WSCD1: variants seen among roughly 807,000 people sequenced by gnomAD.
WSCD1 encodes sialate:O-sulfotransferase 1.
In WSCD1, 41 loss-of-function variants were observed where a neutral mutation model predicts 60.4. That is an observed-to-expected ratio of 0.68 (90% CI 0.53 to 0.88). The LOEUF is 0.88. WSCD1 is among the 40% of genes least tolerant of loss of function. The pLI, the probability that WSCD1 is intolerant of heterozygous loss-of-function variation, is 0.00. For missense variants in WSCD1, 784 were observed against 796.2 expected (o/e 0.98, Z 0.18); for synonymous variants, 361 against 332.5 (o/e 1.09, Z -0.93).
chr17:6,097,183 C>T (rs182277452), intron 5 of WSCD1, among the ~76,000 whole-genome samples: 29 of 152,284 alleles, frequency 1.9e-4, no homozygotes, highest in African/African-American at 6.0e-4. Context: ...TGCTGCCATT[C>T]GGCGTTATGG....
intron 2 of WSCD1, 72 bp downstream of exon 2, chr17:6,081,157 C>T (rs1909246774): frequency 3.4e-6 from 5 of 1,455,704 alleles, no homozygotes; most frequent in Non-Finnish European, 4.5e-6. Flanking sequence ...TTGGTGTCCC[C>T]TTTCTCTCTG....
At chr17:6,081,370 T>C (rs1176419585) in intron 2 of WSCD1, among the ~76,000 whole-genome samples, 5 of 147,558 alleles carry the variant, frequency 3.4e-5, no homozygotes, top group African/African-American at 1.3e-4. Flanking sequence ...TGGCCAACAA[T>C]TTTTTTTTTT....
At chr17:6,089,129 CA>C (rs1173970365) in intron 3 of WSCD1, among the ~76,000 whole-genome samples, 2 of 152,190 alleles carry the variant, frequency 1.3e-5, no homozygotes, top group African/African-American at 4.8e-5. Flanking sequence ...AGCCAGGTAG[CA>C]ATTAGTTATC....
At position 6,087,149 on chromosome 17, in the gene WSCD1, G is replaced by A. The variant is rs571038554; in HGVS notation, c.428-841G>A. Among the ~76,000 whole-genome samples, 7 of 152,322 alleles carry A rather than the reference G, an allele frequency of 4.6e-5. No individual in the cohort carries two copies. In the South Asian group the frequency reaches 6.2e-4, roughly 14 times the overall value. ...TGCCGCTCCTTCAAAACACTGGTGC[G>A]CGTGACATTTACATGCCTACCCGCG... On this transcript the variant is annotated intron_variant, in intron 2 of 8. Transcript: ENST00000317744.
rs749910733 is a variant in WSCD1 at position 6,120,533 on chromosome 17, C to G, written c.1600C>G (p.Arg534Gly). Residue 534 changes from arginine (R) to glycine (G), a missense_variant, in exon 9 of 9, where the codon CGC becomes GGC. By Grantham distance (125) the Arg-to-Gly change is moderately radical (BLOSUM62 -2). Coordinates refer to ENST00000317744, the MANE Select transcript of WSCD1 (RefSeq NM_015253.2). ...GGGCAGCTTCCGGCGGCGCGGCCGG[C>G]GCTCCCACGACCCTGAGCCCTTCAC... ...KEGSFRRRGR[R>G]SHDPEPFTPE... 6.2e-7 allele frequency: 1 copy of G among 1,613,748 alleles called. No homozygotes were observed. Among genetic ancestry groups the G allele is most frequent in the Non-Finnish European group, 8.5e-7 (1 of 1,179,996 alleles).
chr17:6,069,625 G>C (rs1908401683), upstream of WSCD1, among the ~76,000 whole-genome samples: 1 of 152,010 alleles, frequency 6.6e-6, no homozygotes, highest in Non-Finnish European at 1.5e-5. Flanking sequence ...GCGGGAGCTG[G>C]TGTCAGGGTA....
intron 7 of WSCD1, among the ~76,000 whole-genome samples, chr17:6,115,876 G>A (rs1911662952): frequency 1.3e-5 from 2 of 152,258 alleles, no homozygotes; most frequent in South Asian, 2.1e-4. Context: ...GATTATAGGA[G>A]TGAACCACCA....
At chr17:6,087,573 G>A (rs982532339) in intron 2 of WSCD1, among the ~76,000 whole-genome samples, 9 of 152,224 alleles carry the variant, frequency 5.9e-5, no homozygotes, top group African/African-American at 1.9e-4. Context: ...CCCCCAAGGA[G>A]GCAACGACCC....
At chr17:6,096,078 C>T (rs1228162045) in intron 5 of WSCD1, among the ~76,000 whole-genome samples, 4 of 152,182 alleles carry the variant, frequency 2.6e-5, no homozygotes, top group Non-Finnish European at 1.5e-5. Flanking sequence ...AGCTGCCATT[C>T]GTTGATCGCT....
chr17:6,105,551 T>C (rs1911040097), intron 5 of WSCD1, among the ~76,000 whole-genome samples: 1 of 152,142 alleles, frequency 6.6e-6, no homozygotes, highest in Admixed American at 6.5e-5. Context: ...GTACTGTGTT[T>C]TCAGAATCCA....
Position 6,119,045 on chromosome 17 carries a change from A to G in WSCD1, c.1375+857A>G, listed in dbSNP as rs1208064144. On this transcript the variant is annotated intron_variant, in intron 8 of 8. Transcript: ENST00000317744. The stretch of plus-strand genomic sequence containing the variant: ...CTCACTGTGTCCTCACATGTCCCCA[A>G]CAGCTCTCTGGTGACTCTTCTGATA... Among the ~76,000 whole-genome samples the G allele has an allele frequency of 3.3e-5, 5 of 152,278 alleles. 1 individual carries two copies. In the Middle Eastern group the frequency reaches 0.01, roughly 311 times the overall value.
intron 5 of WSCD1, among the ~76,000 whole-genome samples, chr17:6,095,975 G>A (rs537802137): frequency 6.6e-6 from 1 of 152,314 alleles, no homozygotes; most frequent in South Asian, 2.1e-4. Context: ...TACCCTCAAT[G>A]TGGCTTTGAT....
In WSCD1 at chr17:6,094,926, T is replaced by C. The variant is rs537976263; in HGVS notation, c.728-176T>C. On this transcript the variant is annotated intron_variant, in intron 4 of 8. Transcript: ENST00000317744. ...GGTCAAGGTGCTGATGCCTGGTTTC[T>C]CTCAGAAGCTCAGCATGACTATGTC... 7.2e-5 allele frequency among the ~76,000 whole-genome samples: 11 copies of C among 152,334 alleles called. No homozygotes were observed. The South Asian group carries it at 2.3e-3, about 32-fold the overall frequency.
intron 2 of WSCD1, among the ~76,000 whole-genome samples, chr17:6,082,592 C>T (rs1909352088): frequency 6.6e-6 from 1 of 152,132 alleles, no homozygotes; most frequent in African/African-American, 2.4e-5. Context: ...TTGGGGAGCT[C>T]CCAGTAAGCG....
intron 1 of WSCD1, among the ~76,000 whole-genome samples, chr17:6,078,587 T>C (rs1419236017): frequency 3.3e-5 from 5 of 152,044 alleles, no homozygotes; most frequent in Non-Finnish European, 5.9e-5. Flanking sequence ...TGTGCGTGTG[T>C]GTGCGTGCAT....
intron 6 of WSCD1, among the ~76,000 whole-genome samples, 179 bp downstream of exon 6, chr17:6,109,945 C>T (rs528413437): frequency 6.6e-6 from 1 of 152,248 alleles, no homozygotes; most frequent in South Asian, 2.1e-4. Flanking sequence ...GTTTTCCACC[C>T]TCCACAGAGG....
Position 6,088,050 on chromosome 17 carries a change from T to C in WSCD1, c.488T>C (p.Phe163Ser). The change falls in exon 3 of 9, where the codon TTT (phenylalanine) becomes TCT (serine). Residue 163 changes from phenylalanine to serine, a missense_variant. By Grantham distance (155) the Phe-to-Ser change is radical. Transcript: ENST00000317744. ...GAGAGGACTCTGAAAGGAGCTGTGT[T>C]TTATGACTTGAGAAAGATGACTGTC... ...GHERTLKGAV[F>S]YDLRKMTVSH... 6.2e-7 allele frequency: 1 copy of C among 1,614,152 alleles called. No homozygotes were observed. The highest frequency in any genetic ancestry group is 8.5e-7 in the Non-Finnish European group (1 of 1,180,024).
At chr17:6,112,420 A>C (rs58071505) in intron 7 of WSCD1, among the ~76,000 whole-genome samples, 9,737 of 152,270 alleles carry the variant, frequency 0.064, 389 homozygotes, top group Middle Eastern at 0.11. Flanking sequence ...CACTTTCACC[A>C]TGTCTGTTCA....
Position 6,120,521 on chromosome 17 carries a change from C to A in WSCD1, c.1588C>A (p.Arg530=), listed in dbSNP as rs759494597. The A allele has an allele frequency of 6.2e-7, 1 of 1,613,684 alleles. No homozygotes were observed. Among genetic ancestry groups the A allele is most frequent in the Admixed American group, 1.7e-5 (1 of 60,032 alleles). ...GAACAACAAGGAGGGCAGCTTCCGG[C>A]GGCGCGGCCGGCGCTCCCACGACCC... ...VENNKEGSFR[R]RGRRSHDPEP... The change falls in exon 9 of 9, where the codon CGG becomes AGG. Residue 530 remains arginine, a synonymous_variant. Coordinates refer to ENST00000317744, the MANE Select transcript of WSCD1 (RefSeq NM_015253.2).
Sources: gnomAD v4.1 joint callset for allele counts (sites outside exome capture counted in the v4.1 genomes callset) on GRCh38, gnomAD v4.1.1 for gene constraint, MANE v1.5 for transcripts, NCBI Gene and HGNC (gene_info 2026-07-23, HGNC 2026-07-21) for gene names.